ABCG1: variants seen among roughly 807,000 people sequenced by gnomAD.
The protein encoded by ABCG1 is ATP binding cassette subfamily G member 1, also known as ATP-binding cassette sub-family G member 1.
ABCG1 carries 29 observed loss-of-function variants against 69.2 expected under a neutral mutation model. The ratio of observed to expected loss-of-function variants is 0.42; its 90% CI spans 0.31 to 0.57. ABCG1 has a LOEUF of 0.57. Among genes scored for constraint, ABCG1 ranks in the 20% least tolerant of loss-of-function variants. The pLI is 0.15. For missense variants in ABCG1, 718 were observed against 898.1 expected (o/e 0.80, Z 2.56); for synonymous variants, 370 against 374.8 (o/e 0.99, Z 0.15).
intron 5 of ABCG1, among the ~76,000 whole-genome samples, chr21:42,280,138 C>G (rs1482961531): frequency 6.6e-6 from 1 of 152,246 alleles, no homozygotes; most frequent in African/African-American, 2.4e-5. Context: ...GCAGACCCAG[C>G]TGTTCCTCAG....
intron 5 of ABCG1, among the ~76,000 whole-genome samples, chr21:42,277,193 T>A (rs2068726771): frequency 6.6e-6 from 1 of 152,182 alleles, no homozygotes; most frequent in African/African-American, 2.4e-5. Context: ...GAATGTAATG[T>A]GAGGGACAAC....
At chr21:42,223,858 C>T (rs750824643) in intron 1 of ABCG1, among the ~76,000 whole-genome samples, 7 of 152,304 alleles carry the variant, frequency 4.6e-5, no homozygotes, top group East Asian at 3.9e-4. Flanking sequence ...GGGCTTCAGC[C>T]ACAAGAAAGA....
At chr21:42,247,239 T>C (rs990007032) in intron 2 of ABCG1, among the ~76,000 whole-genome samples, 5 of 152,230 alleles carry the variant, frequency 3.3e-5, no homozygotes, top group Admixed American at 3.3e-4. Context: ...GTATTTTTGC[T>C]CAGTCTTGGG....
At chr21:42,265,762 G>A (rs981617000) in intron 2 of ABCG1, among the ~76,000 whole-genome samples, 3 of 152,196 alleles carry the variant, frequency 2.0e-5, no homozygotes, top group Non-Finnish European at 4.4e-5. Context: ...ACACCGGACT[G>A]CGAGCTGGCT....
At chr21:42,240,746 C>G (rs2068039434) in intron 2 of ABCG1, among the ~76,000 whole-genome samples, 1 of 152,256 alleles carries the variant, frequency 6.6e-6, no homozygotes, top group African/African-American at 2.4e-5. Context: ...CCGCACCCAG[C>G]CAGAAAGTTA....
rs532928730 is a variant in ABCG1, at chr21:42,245,207, C to G, written c.286+19293C>G. 5.9e-5 allele frequency among the ~76,000 whole-genome samples: 9 copies of G among 152,240 alleles called. No homozygotes were observed. In the South Asian group the frequency reaches 1.9e-3, roughly 32 times the overall value. Reference sequence around the variant, plus strand: ...AAAGGGTGATATGAACTTCTGCATCCGAGGACTTCTGAAAAGCCACAGATG... The same window carrying G: ...AAAGGGTGATATGAACTTCTGCATCGGAGGACTTCTGAAAAGCCACAGATG... On this transcript the variant is annotated intron_variant, in intron 2 of 14. Coordinates refer to ENST00000398449, the MANE Select transcript of ABCG1 (RefSeq NM_016818.3).
intron 1 of ABCG1, among the ~76,000 whole-genome samples, chr21:42,222,546 C>T (rs1394310453): frequency 6.6e-6 from 1 of 152,182 alleles, no homozygotes; most frequent in Non-Finnish European, 1.5e-5. Context: ...CTTGTGGTCT[C>T]AGACCTGGAA....
rs1395546117 is a variant in ABCG1 at position 42,234,663 on chromosome 21, A to G, written c.286+8749A>G. 3.3e-5 allele frequency among the ~76,000 whole-genome samples: 5 copies of G among 152,292 alleles called. No homozygotes were observed. The East Asian group carries it at 9.7e-4, about 29-fold the overall frequency. On this transcript the variant is annotated intron_variant, in intron 2 of 14. Transcript: ENST00000398449. ...GCCCACTAAGTGTCAGCTCTAACGC[A>G]GGCTCTCCATACTGAGTAAAAAAGC...
intron 5 of ABCG1, among the ~76,000 whole-genome samples, chr21:42,277,375 A>G (rs1304932271): frequency 2.0e-5 from 3 of 152,268 alleles, no homozygotes; most frequent in Admixed American, 6.5e-5. Context: ...ACTTGCAAGA[A>G]GAAATTTAGT....
chr21:42,223,520 A>T (rs1330490383), intron 1 of ABCG1, among the ~76,000 whole-genome samples: 1 of 151,972 alleles, frequency 6.6e-6, no homozygotes, highest in East Asian at 1.9e-4. Flanking sequence ...GCCCAGAGGA[A>T]AATAACCAAA....
intron 6 of ABCG1, among the ~76,000 whole-genome samples, chr21:42,283,837 T>TCC (rs548566307): frequency 2.6e-5 from 1 of 38,826 alleles, no homozygotes; most frequent in South Asian, 1.4e-3. Flanking sequence ...AGTTGCAAAG[T>TCC]CCCCCCGCCC....
chr21:42,271,147 G>A lies in ABCG1; in HGVS notation c.364G>A (p.Ala122Thr). 1 of 1,579,408 alleles carries A rather than the reference G, an allele frequency of 6.3e-7. No individual in the cohort carries two copies. Among genetic ancestry groups the A allele is most frequent in the Non-Finnish European group, 8.6e-7 (1 of 1,165,686 alleles). ...GGTGGCCATTATGGGTCCTTCCGGG[G>A]CCGGGAAGTCCACGCTGATGAACAT... Reference protein sequence around the residue: ...ELVAIMGPSGAGKSTLMNILA... With the variant: ...ELVAIMGPSGTGKSTLMNILA... Residue 122 changes from alanine to threonine, a missense_variant, in exon 3 of 15, where the codon GCC (alanine) becomes ACC (threonine). Transcript: ENST00000398449.
chr21:42,284,344 A>T lies in ABCG1; in HGVS notation c.735-216A>T, dbSNP rs533696422. ...TCGCTGGGGTCCCTCCGTTCTTACC[A>T]GGAATAAAATGCAACATGCAAAGCC... On this transcript the variant is annotated intron_variant, in intron 6 of 14. Coordinates refer to ENST00000398449, the MANE Select transcript of ABCG1 (RefSeq NM_016818.3). 7.2e-5 allele frequency among the ~76,000 whole-genome samples: 11 copies of T among 151,924 alleles called. No individual in the cohort carries two copies. The East Asian group carries it at 2.1e-3, about 29-fold the overall frequency.
At chr21:42,251,938 C>G (rs559615589) in intron 2 of ABCG1, among the ~76,000 whole-genome samples, 1 of 152,214 alleles carries the variant, frequency 6.6e-6, no homozygotes, top group East Asian at 1.9e-4. Context: ...CCGTGTCCGT[C>G]GAATCTGAAA....
At chr21:42,205,991 G>A (rs2067539789) in intron 2 of ABCG1, among the ~76,000 whole-genome samples, 1 of 151,942 alleles carries the variant, frequency 6.6e-6, no homozygotes, top group South Asian at 2.1e-4. Flanking sequence ...ATGTTGTTTG[G>A]ATTCTAACTG....
In ABCG1 at chr21:42,251,524, G is replaced by A. The variant is rs887929804; in HGVS notation, c.287-19546G>A. 2.0e-4 allele frequency among the ~76,000 whole-genome samples: 28 copies of A among 141,024 alleles called. 1 individual carries two copies. The highest frequency in any genetic ancestry group is 6.0e-4 in the African/African-American group (23 of 38,562). 92.5% of individuals were successfully genotyped at this position (141,024 alleles called of 152,430 possible). The stretch of plus-strand genomic sequence containing the variant: ...GGGCCACAAAACTGGCTCGATGAGC[G>A]GGCAGGACAAGGTTGGGATGATAGG... On this transcript the variant is annotated intron_variant, in intron 2 of 14. Transcript: ENST00000398449.
chr21:42,276,935 G>T lies in ABCG1; in HGVS notation c.578G>T (p.Arg193Ile), dbSNP rs1200314318. The change falls in exon 5 of 15, where the codon AGA becomes ATA. Residue 193 changes from arginine (R) to isoleucine (I), a missense_variant. Coordinates refer to ENST00000398449, the MANE Select transcript of ABCG1 (RefSeq NM_016818.3). This position sits in a 1 kb window ranked among gnomAD's most constrained non-coding sequence, Gnocchi z 5.3. ...HLKLQEKDEG[R>I]REMVKEILTA... ...AAGCTTCAGGAGAAGGATGAAGGCA[G>T]AAGGGAAATGGTAAGTGGGTTGTTT... is the stretch of plus-strand genomic sequence containing the variant. 1 of 1,614,242 alleles carries T rather than the reference G, an allele frequency of 6.2e-7. No homozygotes were observed. Among genetic ancestry groups the T allele is most frequent in the Admixed American group, 1.7e-5 (1 of 60,030 alleles).
intron 2 of ABCG1, among the ~76,000 whole-genome samples, chr21:42,231,847 C>T (rs8128565): frequency 0.49 from 75,036 of 152,150 alleles, 19,222 homozygotes; most frequent in African/African-American, 0.63. Flanking sequence ...TTCTTGTGGG[C>T]CCACAGGACA....
At chr21:42,228,762 C>G (rs1227072491) in intron 2 of ABCG1, among the ~76,000 whole-genome samples, 2 of 152,218 alleles carry the variant, frequency 1.3e-5, no homozygotes, top group Non-Finnish European at 2.9e-5. Flanking sequence ...TCAGTTGCCA[C>G]TGCTGAAGAG....
Sources: allele counts gnomAD v4.1 joint callset (sites outside exome capture counted in the v4.1 genomes callset), GRCh38; gene constraint gnomAD v4.1.1; non-coding constraint Gnocchi (gnomAD v3.1); transcripts MANE v1.5; gene names NCBI Gene and HGNC (gene_info 2026-07-23, HGNC 2026-07-21).